PTPRE: variants seen among roughly 807,000 people sequenced by gnomAD.
The protein encoded by PTPRE is receptor-type tyrosine-protein phosphatase epsilon.
A neutral mutation model predicts 102.0 loss-of-function variants in PTPRE; 51 were observed. That is an observed-to-expected ratio of 0.50 (90% CI 0.40 to 0.63). PTPRE has a LOEUF of 0.63. PTPRE is among the 30% of genes least tolerant of loss of function. The probability of loss-of-function intolerance (pLI) is 0.00; values close to 1 mark genes in which losing one functional copy is unlikely to be tolerated. For synonymous variants in PTPRE, 345 were observed against 348.2 expected (o/e 0.99, Z 0.10); for missense variants, 752 against 915.1 (o/e 0.82, Z 2.30).
At chr10:127,993,788 CGT>C (rs1238379937) in intron 2 of PTPRE, among the ~76,000 whole-genome samples, 1 of 69,990 alleles carries the variant, frequency 1.4e-5, no homozygotes, top group Non-Finnish European at 3.0e-5. Context: ...TGTGTGTGTG[CGT>C]GTGTGTGTGT....
At chr10:127,986,368 C>T (rs149138352) in intron 2 of PTPRE, among the ~76,000 whole-genome samples, 47 of 152,286 alleles carry the variant, frequency 3.1e-4, no homozygotes, top group Admixed American at 6.5e-4. Flanking sequence ...TTATAAAAGA[C>T]GTATCGTTAA....
intron 15 of PTPRE, 177 bp from the exon 16 acceptor site, chr10:128,071,961 A>T: frequency 1.8e-6 from 1 of 553,834 alleles, no homozygotes; most frequent in Non-Finnish European, 3.2e-6. Context: ...CTTCAAAAAG[A>T]AAAATACCCC....
chr10:127,942,238 C>T (rs1220803583), intron 1 of PTPRE, among the ~76,000 whole-genome samples: 1 of 152,182 alleles, frequency 6.6e-6, no homozygotes, highest in African/African-American at 2.4e-5. Context: ...AATCTGTCTC[C>T]ATCTGCTAGC....
At chr10:128,035,508 G>A (rs1847139339) in intron 2 of PTPRE, among the ~76,000 whole-genome samples, 2 of 152,134 alleles carry the variant, frequency 1.3e-5, no homozygotes, top group Admixed American at 6.5e-5. Context: ...CCCATTCCAG[G>A]GGCTCTCTTT....
intron 1 of PTPRE, among the ~76,000 whole-genome samples, chr10:127,979,671 G>T (rs559261082): frequency 9.9e-5 from 15 of 152,266 alleles, no homozygotes; most frequent in African/African-American, 3.4e-4. Context: ...GTGTATTCTT[G>T]CCTTATTTTT....
intron 2 of PTPRE, among the ~76,000 whole-genome samples, chr10:127,992,826 G>C (rs541610496): frequency 6.6e-6 from 1 of 152,234 alleles, no homozygotes; most frequent in East Asian, 1.9e-4. Context: ...ACTCAAATAT[G>C]TGGTCAGAAA....
intron 2 of PTPRE, among the ~76,000 whole-genome samples, chr10:128,009,355 G>A (rs1844782781): frequency 6.6e-6 from 1 of 152,244 alleles, no homozygotes; most frequent in Admixed American, 6.5e-5. Flanking sequence ...CGGCAGGTGA[G>A]CTTGATGTTC....
intron 1 of PTPRE, among the ~76,000 whole-genome samples, chr10:127,940,032 G>A (rs1294912469): frequency 6.6e-6 from 1 of 151,398 alleles, no homozygotes; most frequent in East Asian, 1.9e-4. Flanking sequence ...ACAGACAGAT[G>A]TGGGCAGATG....
rs142147750 is a variant in PTPRE at position 128,056,387 on chromosome 10, C to T, written c.511+174C>T. Among the ~76,000 whole-genome samples the T allele has an allele frequency of 3.3e-3, 506 of 152,344 alleles. 1 individual carries two copies. Among genetic ancestry groups the T allele is most frequent in the Middle Eastern group, 0.02 (6 of 294 alleles). The stretch of plus-strand genomic sequence containing the variant: ...AACGTTCCTCTTTAGGTGCCCATCT[C>T]CCTGCACAGGCCCTGGGTACCTTGG... On this transcript the variant is annotated intron_variant, in intron 7 of 20. Transcript: ENST00000254667.
chr10:127,988,594 C>G (rs570761261), intron 2 of PTPRE, among the ~76,000 whole-genome samples: 83 of 152,242 alleles, frequency 5.5e-4, no homozygotes, highest in African/African-American at 1.9e-3. Context: ...CATGAGCCAC[C>G]CTACCTGGCC....
At chr10:127,935,074 C>G (rs151077847) in intron 1 of PTPRE, among the ~76,000 whole-genome samples, 1 of 152,190 alleles carries the variant, frequency 6.6e-6, no homozygotes, top group African/African-American at 2.4e-5. Flanking sequence ...TTGCCCTTCT[C>G]TCCTCCCGTT....
intron 8 of PTPRE, among the ~76,000 whole-genome samples, chr10:128,061,390 T>C (rs1849579756): frequency 6.6e-6 from 1 of 152,182 alleles, no homozygotes. Flanking sequence ...AAATACAACA[T>C]AAAATAAATT....
chr10:127,960,954 G>A (rs561762044), intron 1 of PTPRE, among the ~76,000 whole-genome samples: 1 of 151,410 alleles, frequency 6.6e-6, no homozygotes, highest in East Asian at 2.0e-4. Flanking sequence ...CCGGGAGGCA[G>A]AGCTTGCAAT....
intron 11 of PTPRE, among the ~76,000 whole-genome samples, chr10:128,067,067 C>T (rs1045130996): frequency 4.6e-5 from 7 of 151,510 alleles, no homozygotes; most frequent in Admixed American, 1.3e-4. Flanking sequence ...CACATGCACA[C>T]GTACACCCAC....
At chr10:127,975,100 C>T (rs2135438639) in intron 1 of PTPRE, among the ~76,000 whole-genome samples, 1 of 152,280 alleles carries the variant, frequency 6.6e-6, no homozygotes, top group East Asian at 1.9e-4. Context: ...TACTGGATCA[C>T]CTGGCGTCTA....
At chr10:127,909,806 G>A (rs1156980038) in intron 1 of PTPRE, among the ~76,000 whole-genome samples, 1 of 152,228 alleles carries the variant, frequency 6.6e-6, no homozygotes, top group Non-Finnish European at 1.5e-5. Context: ...TGCTGATGGA[G>A]CAAGTGTGTG....
At chr10:128,051,263 A>C (rs1390920762) in intron 6 of PTPRE, among the ~76,000 whole-genome samples, 1 of 152,240 alleles carries the variant, frequency 6.6e-6, no homozygotes, top group Non-Finnish European at 1.5e-5. Context: ...GAGGGAGTCC[A>C]GGAATAGGGT....
intron 2 of PTPRE, among the ~76,000 whole-genome samples, chr10:128,006,680 C>T (rs1296488852): frequency 6.6e-6 from 1 of 152,126 alleles, no homozygotes; most frequent in African/African-American, 2.4e-5. Context: ...ACCTGGGGTA[C>T]AGCAGCAAGG....
At chr10:127,973,397 G>C (rs1850909818) in intron 1 of PTPRE, among the ~76,000 whole-genome samples, 1 of 152,122 alleles carries the variant, frequency 6.6e-6, no homozygotes, top group Non-Finnish European at 1.5e-5. Flanking sequence ...AATCTTCTCT[G>C]TTATCTCTCA....
Sources: gnomAD v4.1 joint callset for allele counts (sites outside exome capture counted in the v4.1 genomes callset) on GRCh38, gnomAD v4.1.1 for gene constraint, MANE v1.5 for transcripts, NCBI Gene and HGNC (gene_info 2026-07-23, HGNC 2026-07-21) for gene names.